The following HIBADH variants were observed in gnomAD, a reference collection of about 807,000 sequenced individuals.
The protein encoded by HIBADH is 3-hydroxyisobutyrate dehydrogenase, mitochondrial.
A neutral mutation model predicts 36.1 loss-of-function variants in HIBADH; 25 were observed. That is an observed-to-expected ratio of 0.69 (90% CI 0.50 to 0.97). HIBADH has a LOEUF of 0.97. Among genes scored for constraint, HIBADH ranks in the 50% least tolerant of loss-of-function variants. HIBADH has a pLI of 0.00. For missense variants in HIBADH, 421 were observed against 418.0 expected, an observed-to-expected ratio of 1.01 and a Z score of -0.06; for synonymous variants, 160 against 149.5, an observed-to-expected ratio of 1.07 and a Z score of -0.51.
intron 7 of HIBADH, among the ~76,000 whole-genome samples, chr7:27,528,197 T>C (rs959896602): frequency 5.9e-5 from 9 of 152,126 alleles, no homozygotes; most frequent in Non-Finnish European, 8.8e-5. Flanking sequence ...GCTCTCTCTC[T>C]CTTACCCCTC....
At chr7:27,596,181 G>A (rs1436406572) in intron 4 of HIBADH, among the ~76,000 whole-genome samples, 1 of 152,196 alleles carries the variant, frequency 6.6e-6, no homozygotes, top group African/African-American at 2.4e-5. Context: ...CTGCCTCCAA[G>A]AAGGCACCTT....
intron 4 of HIBADH, among the ~76,000 whole-genome samples, chr7:27,551,294 C>A (rs1047403876): frequency 3.3e-5 from 5 of 152,240 alleles, no homozygotes; most frequent in Admixed American, 2.0e-4. Context: ...AAAGAAATCA[C>A]AGTGCAGGGT....
chr7:27,634,877 C>A (rs1049479065), intron 2 of HIBADH, among the ~76,000 whole-genome samples: 4 of 151,846 alleles, frequency 2.6e-5, no homozygotes, highest in South Asian at 2.1e-4. Context: ...GGCCAATCAG[C>A]CCCCTGCATC....
intron 2 of HIBADH, among the ~76,000 whole-genome samples, chr7:27,642,642 G>GTTTTT (rs71555706): frequency 1.0e-5 from 1 of 97,426 alleles, no homozygotes; most frequent in African/African-American, 4.2e-5. Context: ...TAAATGTCTA[G>GTTTTT]TTTTTTTTTT....
chr7:27,578,764 C>T (rs928059366), intron 4 of HIBADH, among the ~76,000 whole-genome samples: 1 of 152,144 alleles, frequency 6.6e-6, no homozygotes, highest in Non-Finnish European at 1.5e-5. Flanking sequence ...AGTAGTCAAA[C>T]TCTGCTTCCT....
intron 7 of HIBADH, among the ~76,000 whole-genome samples, chr7:27,528,491 C>G (rs1783945492): frequency 6.6e-6 from 1 of 152,170 alleles, no homozygotes; most frequent in South Asian, 2.1e-4. Flanking sequence ...GGCCTTACTG[C>G]TGATAGGGAG....
chr7:27,544,303 A>G (rs1784201799), intron 4 of HIBADH, among the ~76,000 whole-genome samples: 1 of 152,234 alleles, frequency 6.6e-6, no homozygotes, highest in South Asian at 2.1e-4. Flanking sequence ...AGTTTATACT[A>G]TTCATAAGCA....
At chr7:27,660,191 A>C (rs1786387648) in intron 1 of HIBADH, among the ~76,000 whole-genome samples, 1 of 152,234 alleles carries the variant, frequency 6.6e-6, no homozygotes, top group Non-Finnish European at 1.5e-5. Context: ...AACATACTAC[A>C]AATATCCAAC....
rs541969716 is a variant in HIBADH at position 27,538,141 on chromosome 7, A to G, written c.695+200T>C. 5.3e-5 allele frequency among the ~76,000 whole-genome samples: 8 copies of G among 152,316 alleles called. No individual in the cohort carries two copies. In the East Asian group the frequency reaches 1.5e-3, roughly 29 times the overall value. On this transcript the variant is annotated intron_variant, in intron 6 of 7. Coordinates refer to ENST00000265395, the MANE Select transcript of HIBADH (RefSeq NM_152740.4). ...TGCACAGGCAATACATTTTATGGCTATGGCAAAGAGTATTCATGCTCTCCT... is the reference window on the plus strand; with the variant it reads ...TGCACAGGCAATACATTTTATGGCTGTGGCAAAGAGTATTCATGCTCTCCT...
intron 2 of HIBADH, among the ~76,000 whole-genome samples, chr7:27,643,868 T>A (rs1197210167): frequency 6.6e-6 from 1 of 152,188 alleles, no homozygotes; most frequent in African/African-American, 2.4e-5. Context: ...TCCATCTTCA[T>A]ATGGCCTTCC....
chr7:27,605,172 T>G (rs1247857000), intron 4 of HIBADH, among the ~76,000 whole-genome samples: 1 of 152,144 alleles, frequency 6.6e-6, no homozygotes, highest in African/African-American at 2.4e-5. Flanking sequence ...AATACGTATT[T>G]TAATGAAAAA....
chr7:27,648,600 TCA>T (rs1786119618), intron 2 of HIBADH, among the ~76,000 whole-genome samples: 1 of 152,190 alleles, frequency 6.6e-6, no homozygotes, highest in Non-Finnish European at 1.5e-5. Flanking sequence ...CACACTATCC[TCA>T]GTTACCACTC....
chr7:27,625,512 A>G (rs1392682986), intron 4 of HIBADH, among the ~76,000 whole-genome samples: 1 of 152,166 alleles, frequency 6.6e-6, no homozygotes, highest in Non-Finnish European at 1.5e-5. Context: ...CATAAAATTC[A>G]GGATGCTGGT....
chr7:27,548,531 T>C (rs1000910770), intron 4 of HIBADH, among the ~76,000 whole-genome samples: 10 of 152,134 alleles, frequency 6.6e-5, no homozygotes, highest in Admixed American at 2.0e-4. Flanking sequence ...CAGCAAATAT[T>C]TATTCAGTGC....
chr7:27,657,401 G>C (rs557315766), intron 1 of HIBADH, among the ~76,000 whole-genome samples: 2 of 152,146 alleles, frequency 1.3e-5, no homozygotes, highest in Non-Finnish European at 2.9e-5. Flanking sequence ...ACCAGGTGAT[G>C]AGCATTATGT....
chr7:27,552,002 G>A (rs907982382), intron 4 of HIBADH, among the ~76,000 whole-genome samples: 2 of 152,134 alleles, frequency 1.3e-5, no homozygotes, highest in African/African-American at 2.4e-5. Context: ...GTTTACCAGC[G>A]ACATTCGCAG....
intron 1 of HIBADH, 43 bp from the exon 2 acceptor site, chr7:27,649,676 T>A (rs759482972): frequency 6.7e-7 from 1 of 1,482,360 alleles, no homozygotes; most frequent in Non-Finnish European, 9.1e-7. Flanking sequence ...AATAACATTT[T>A]TTATTGTAAA....
chr7:27,609,131 G>A (rs1385657279), intron 4 of HIBADH, among the ~76,000 whole-genome samples: 4 of 152,136 alleles, frequency 2.6e-5, no homozygotes, highest in Non-Finnish European at 4.4e-5. Flanking sequence ...AATAATGAGA[G>A]CAATAATAAA....
chr7:27,557,022 C>T (rs867121636), intron 4 of HIBADH, among the ~76,000 whole-genome samples: 1 of 151,966 alleles, frequency 6.6e-6, no homozygotes, highest in Non-Finnish European at 1.5e-5. Flanking sequence ...TGCCTGTGGT[C>T]CTAGCTACTC....
Sources: allele counts gnomAD v4.1 joint callset (sites outside exome capture counted in the v4.1 genomes callset), GRCh38; gene constraint gnomAD v4.1.1; transcripts MANE v1.5; gene names NCBI Gene and HGNC (gene_info 2026-07-23, HGNC 2026-07-21).